CPNE2: variants seen among roughly 807,000 people sequenced by gnomAD.
CPNE2 encodes copine 2.
Under a neutral mutation model 69.7 loss-of-function variants are expected in CPNE2, and 42 were observed. The observed-to-expected ratio is 0.60, with a 90% confidence interval of 0.47 to 0.78. CPNE2 has a LOEUF of 0.78. CPNE2 is among the 30% of genes least tolerant of loss of function. The pLI, the probability that CPNE2 is intolerant of heterozygous loss-of-function variation, is 0.00. For synonymous variants in CPNE2, 294 were observed against 289.8 expected (o/e 1.01, Z -0.15); for missense variants, 587 against 732.0 (o/e 0.80, Z 2.29).
intron 9 of CPNE2, 102 bp downstream of exon 9, chr16:57,121,862 A>C (rs1458582973): frequency 1.8e-6 from 2 of 1,111,938 alleles, no homozygotes; most frequent in African/African-American, 3.1e-5. Flanking sequence ...CTGTGTTCAA[A>C]TCCCGGCTCT....
At chr16:57,123,332 T>A (rs1290041546) in intron 9 of CPNE2, 82 bp from the exon 10 acceptor site, 1 of 1,418,370 alleles carries the variant, frequency 7.1e-7, no homozygotes, top group Non-Finnish European at 9.9e-7. Flanking sequence ...CCTACTGAGG[T>A]TGCAGGACAT....
In CPNE2 at chr16:57,147,665, G is replaced by A. The variant is rs181226610; in HGVS notation, c.*7G>A. On this transcript the variant is annotated 3_prime_UTR_variant, in exon 16 of 16. Coordinates refer to ENST00000290776, the MANE Select transcript of CPNE2 (RefSeq NM_152727.6). ...CAACTCGGAGCCCGCCTGAGCTCCA[G>A]TGCCCAGCAGCAGCATGTCAGCTGA... 2.5e-6 allele frequency: 4 copies of A among 1,588,656 alleles called. No homozygotes were observed. Among genetic ancestry groups the A allele is most frequent in the African/African-American group, 2.7e-5 (2 of 74,566 alleles).
At chr16:57,125,344 G>T in intron 10 of CPNE2, 1 of 456,114 alleles carries the variant, frequency 2.2e-6, no homozygotes, top group Non-Finnish European at 4.4e-6. Context: ...GACGGGCACT[G>T]CTCTACCAGG....
At chr16:57,134,911 TTTTC>T in intron 13 of CPNE2, 85 bp downstream of exon 13, 1 of 1,384,278 alleles carries the variant, frequency 7.2e-7, no homozygotes, top group Admixed American at 1.8e-5. Flanking sequence ...AGAGGACAGG[TTTTC>T]ATTTCTTTCT....
At chr16:57,116,519 T>C (rs1307963172) in intron 4 of CPNE2, among the ~76,000 whole-genome samples, 1 of 152,064 alleles carries the variant, frequency 6.6e-6, no homozygotes, top group East Asian at 1.9e-4. Context: ...GCTACTGCCC[T>C]CCAGCCTGGG....
intron 1 of CPNE2, among the ~76,000 whole-genome samples, chr16:57,094,974 G>A (rs80020317): frequency 0.039 from 5,895 of 152,204 alleles, 361 homozygotes; most frequent in African/African-American, 0.14. Context: ...GCACGGTCCC[G>A]ATCTGAGAAG....
At chr16:57,140,689 T>C (rs2069915212) in intron 14 of CPNE2, among the ~76,000 whole-genome samples, 2 of 151,820 alleles carry the variant, frequency 1.3e-5, no homozygotes, top group African/African-American at 4.8e-5. Context: ...CTCAACCTCC[T>C]GAGTAGCTGG....
chr16:57,117,382 G>A (rs2069726977), intron 4 of CPNE2, 114 bp from the exon 5 acceptor site: 28 of 997,088 alleles, frequency 2.8e-5, no homozygotes, highest in Non-Finnish European at 4.1e-5. Context: ...ACCTGGAACT[G>A]CCCTTCCCTT....
chr16:57,135,984 G>GAAGGAGGAAGGAAGGAAGGA (rs1464527266), intron 13 of CPNE2, among the ~76,000 whole-genome samples: 1 of 139,260 alleles, frequency 7.2e-6, no homozygotes, highest in South Asian at 2.6e-4. Context: ...AGGAGGGAGG[G>GAAGGAGGAAGGAAGGAAGGA]AAGGAGGAAG....
chr16:57,107,034 T>A (rs1202862740), intron 1 of CPNE2, among the ~76,000 whole-genome samples: 1 of 152,196 alleles, frequency 6.6e-6, no homozygotes. Flanking sequence ...AGCAAGTGAC[T>A]TTTACTCTCT....
chr16:57,107,865 C>CTTTT (rs11347830), intron 1 of CPNE2, among the ~76,000 whole-genome samples: 8 of 98,796 alleles, frequency 8.1e-5, no homozygotes, highest in African/African-American at 1.2e-4. Flanking sequence ...ACAGAGCAAT[C>CTTTT]TTTTTTTTTT....
At chr16:57,119,957 G>A in intron 7 of CPNE2, among the ~76,000 whole-genome samples, 1 of 152,210 alleles carries the variant, frequency 6.6e-6, no homozygotes, top group East Asian at 1.9e-4. Context: ...TGAGGACAGT[G>A]ATTACCAGTC....
chr16:57,119,747 C>T (rs2069747729), intron 7 of CPNE2, 97 bp downstream of exon 7: 6 of 775,892 alleles, frequency 7.7e-6, no homozygotes, highest in East Asian at 2.8e-5. Context: ...AGCTCTTTCT[C>T]ATACAAGTGG....
rs767005150 is a variant in CPNE2, at chr16:57,146,142, C to T, written c.1360C>T (p.Arg454Trp). The change falls in exon 15 of 16, where the codon CGG (arginine) becomes TGG (tryptophan). Residue 454 changes from arginine to tryptophan, a missense_variant. Around this residue, in one of 5 missense-constraint regions of CPNE2, gnomAD observed 185 missense variants for 252.3 expected, o/e 0.73. Coordinates refer to ENST00000290776, the MANE Select transcript of CPNE2 (RefSeq NM_152727.6). The surrounding 1 kb of genome is among the most constrained non-coding windows in gnomAD (Gnocchi z 4.4). ...GGTCATCAGTGACATGGAGGAGACACGGCATGCCGTGGTGCAGGCTTCCAA... is the reference window on the plus strand; with the variant it reads ...GGTCATCAGTGACATGGAGGAGACATGGCATGCCGTGGTGCAGGCTTCCAA... ...DGVISDMEET[R>W]HAVVQASKLP... 4.5e-5 allele frequency: 72 copies of T among 1,595,384 alleles called. No individual in the cohort carries two copies. Among genetic ancestry groups the T allele is most frequent in the Non-Finnish European group, 5.9e-5 (69 of 1,170,370 alleles).
intron 8 of CPNE2, 110 bp downstream of exon 8, chr16:57,121,301 G>T: frequency 1.2e-6 from 1 of 852,926 alleles, no homozygotes; most frequent in South Asian, 1.7e-5. Flanking sequence ...CTGGCTGCAT[G>T]ACCTTGAGCA....
chr16:57,112,374 G>GC (rs1180457536), intron 2 of CPNE2, among the ~76,000 whole-genome samples: 1 of 152,052 alleles, frequency 6.6e-6, no homozygotes, highest in African/African-American at 2.4e-5. Flanking sequence ...ACCCTTGAGT[G>GC]CCCCGAGGGA....
chr16:57,110,821 G>T lies in CPNE2; in HGVS notation c.79G>T (p.Glu27Ter). ...CCCCCAGTATTGCGTGTGCAAGGTG[G>T]AGCTGTCAGTGAGTGGCCAGAACCT... ...MGPQYCVCKVELSVSGQNLLD... is the reference protein window; with the variant it reads ...MGPQYCVCKV Residue 27 changes from glutamate to a stop codon, truncating the protein, a stop_gained, in exon 2 of 16, where the codon GAG (glutamate) becomes TAG (stop). Coordinates refer to ENST00000290776, the MANE Select transcript of CPNE2 (RefSeq NM_152727.6). LOFTEE classifies it high-confidence loss of function. 6.2e-7 allele frequency: 1 copy of T among 1,614,050 alleles called. No homozygotes were observed. Among genetic ancestry groups the T allele is most frequent in the Non-Finnish European group, 8.5e-7 (1 of 1,179,956 alleles).
At chr16:57,109,403 G>C (rs1597492399) in intron 1 of CPNE2, among the ~76,000 whole-genome samples, 1 of 151,556 alleles carries the variant, frequency 6.6e-6, no homozygotes, top group South Asian at 2.1e-4. Context: ...TTGAACCCAG[G>C]AGGTGGAGGT....
intron 1 of CPNE2, chr16:57,106,035 C>T (rs769752859): frequency 3.3e-5 from 5 of 152,662 alleles, no homozygotes; most frequent in Admixed American, 3.3e-4. Flanking sequence ...GTTTCTTTTT[C>T]CATTGCGTCA....
Sources: allele counts gnomAD v4.1 joint callset (sites outside exome capture counted in the v4.1 genomes callset), GRCh38; gene constraint gnomAD v4.1.1; regional missense constraint gnomAD v4.1.1; non-coding constraint Gnocchi (gnomAD v3.1); transcripts MANE v1.5; gene names NCBI Gene and HGNC (gene_info 2026-07-23, HGNC 2026-07-21).